RFX3: variants seen among roughly 807,000 people sequenced by gnomAD.
The protein encoded by RFX3 is regulatory factor X3.
In RFX3, 14 loss-of-function variants were observed where a neutral mutation model predicts 98.6. The ratio of observed to expected loss-of-function variants is 0.14; its 90% confidence interval spans 0.09 to 0.22. RFX3 has a LOEUF of 0.22. Ranked by LOEUF, RFX3 falls within the 10% of genes least tolerant of loss-of-function variation. The pLI, the probability that RFX3 is intolerant of heterozygous loss-of-function variation, is 1.00. For synonymous variants in RFX3, 383 were observed against 328.4 expected (o/e 1.17, Z -1.80); for missense variants, 639 against 926.9 (o/e 0.69, Z 4.03).
chr9:3,454,467 A>G (rs1199909943), intron 1 of RFX3, among the ~76,000 whole-genome samples: 1 of 152,198 alleles, frequency 6.6e-6, no homozygotes, highest in East Asian at 1.9e-4. Context: ...CATATATAAG[A>G]GAAAGAGCAT....
intron 1 of RFX3, among the ~76,000 whole-genome samples, chr9:3,475,631 ATATCAGAGAC>A (rs1176698523): frequency 7.2e-5 from 11 of 152,236 alleles, no homozygotes; most frequent in Non-Finnish European, 1.0e-4. Flanking sequence ...TTGTTTCTGC[ATATCAGAGAC>A]TTTTAGTACT....
chr9:3,265,649 T>C (rs1823532498), intron 12 of RFX3, among the ~76,000 whole-genome samples: 1 of 152,212 alleles, frequency 6.6e-6, no homozygotes, highest in Non-Finnish European at 1.5e-5. Flanking sequence ...TTTGTATCTC[T>C]AGCTAAATAA....
intron 1 of RFX3, among the ~76,000 whole-genome samples, chr9:3,525,533 C>G (rs939892371): frequency 2.6e-5 from 4 of 151,886 alleles, no homozygotes; most frequent in Non-Finnish European, 5.9e-5. Context: ...CGCCCACACC[C>G]CCGACCCAGC....
intron 8 of RFX3, among the ~76,000 whole-genome samples, chr9:3,277,067 G>A (rs527429848): frequency 2.3e-4 from 35 of 151,998 alleles, no homozygotes; most frequent in Non-Finnish European, 3.8e-4. Flanking sequence ...CACAAAAGCC[G>A]AATAATACAA....
chr9:3,286,815 T>C (rs751694352), intron 7 of RFX3, among the ~76,000 whole-genome samples: 1 of 151,914 alleles, frequency 6.6e-6, no homozygotes, highest in African/African-American at 2.4e-5. Context: ...TCAATAAATA[T>C]GTCATGGACC....
At position 3,315,937 on chromosome 9, in the gene RFX3, A is replaced by G. The variant is rs183512350; in HGVS notation, c.475-14317T>C. 7.7e-4 allele frequency among the ~76,000 whole-genome samples: 118 copies of G among 152,360 alleles called. 4 individuals are homozygous for G. Among genetic ancestry groups the G allele is most frequent in the Admixed American group, 7.6e-3 (117 of 15,306 alleles). On this transcript the variant is annotated intron_variant, in intron 4 of 16. Transcript: ENST00000617270. ...CCAGACAGAGTCACAGCCGAATTCT[A>G]CTAGAGGTACAAAGAGGAGCTGGTA... is the stretch of plus-strand genomic sequence containing the variant.
At chr9:3,396,740 G>C (rs545643646) in intron 1 of RFX3, among the ~76,000 whole-genome samples, 1 of 152,132 alleles carries the variant, frequency 6.6e-6, no homozygotes, top group Non-Finnish European at 1.5e-5. Context: ...ATTCTAACTG[G>C]TGTGAGATGG....
At chr9:3,280,975 A>T (rs1484026996) in intron 7 of RFX3, among the ~76,000 whole-genome samples, 5 of 151,878 alleles carry the variant, frequency 3.3e-5, no homozygotes, top group African/African-American at 1.2e-4. Context: ...ATGTACAATA[A>T]ATATATTTGA....
At chr9:3,237,164 A>G (rs1327483253) in intron 15 of RFX3, among the ~76,000 whole-genome samples, 1 of 152,198 alleles carries the variant, frequency 6.6e-6, no homozygotes, top group Non-Finnish European at 1.5e-5. Flanking sequence ...AGAACTAATT[A>G]TGTTTATGCT....
chr9:3,284,147 G>T (rs188691028), intron 7 of RFX3, among the ~76,000 whole-genome samples: 31 of 151,816 alleles, frequency 2.0e-4, no homozygotes, highest in Admixed American at 1.1e-3. Flanking sequence ...AATATTTTGA[G>T]AATGGCTACT....
intron 3 of RFX3, among the ~76,000 whole-genome samples, chr9:3,342,354 G>A (rs545371511): frequency 2.1e-4 from 32 of 152,234 alleles, no homozygotes; most frequent in African/African-American, 7.2e-4. Flanking sequence ...GAACTCTTAA[G>A]GGACTAATGT....
At chr9:3,363,156 T>G (rs1003814396) in intron 2 of RFX3, among the ~76,000 whole-genome samples, 4 of 152,230 alleles carry the variant, frequency 2.6e-5, no homozygotes, top group Admixed American at 1.3e-4. Context: ...TAAATAATAC[T>G]GTGGTGACCA....
intron 1 of RFX3, among the ~76,000 whole-genome samples, chr9:3,406,257 C>G (rs981890386): frequency 6.6e-6 from 1 of 151,912 alleles, no homozygotes; most frequent in African/African-American, 2.4e-5. Flanking sequence ...GCCACTGACT[C>G]GGCCAACCCT....
chr9:3,471,040 C>T (rs1342334850), intron 1 of RFX3, among the ~76,000 whole-genome samples: 2 of 152,156 alleles, frequency 1.3e-5, no homozygotes, highest in Non-Finnish European at 2.9e-5. Flanking sequence ...ATGTAATTCT[C>T]ACAAATCTGT....
rs1279456352 is a variant in RFX3 at position 3,245,104 on chromosome 9, C to A, written c.1968+2928G>T. On this transcript the variant is annotated intron_variant, in intron 15 of 16. Coordinates refer to ENST00000617270, the MANE Select transcript of RFX3 (RefSeq NM_001282116.2). The stretch of plus-strand genomic sequence containing the variant: ...TCCAGGTATTACATCTTTGACTATA[C>A]AAATCAAACAGAGAACTGTGCAATT... Among the ~76,000 whole-genome samples, 3 of 152,174 alleles carry A rather than the reference C, an allele frequency of 2.0e-5. No homozygotes were observed. The East Asian group carries it at 5.8e-4, about 29-fold the overall frequency.
chr9:3,391,861 A>C (rs980413015), intron 2 of RFX3, among the ~76,000 whole-genome samples: 1 of 152,166 alleles, frequency 6.6e-6, no homozygotes, highest in East Asian at 1.9e-4. Flanking sequence ...ACTTTAGTAA[A>C]ATGTTTGGAG....
intron 2 of RFX3, among the ~76,000 whole-genome samples, chr9:3,365,712 G>C (rs1165378144): frequency 2.6e-5 from 4 of 151,932 alleles, no homozygotes; most frequent in Non-Finnish European, 5.9e-5. Flanking sequence ...AGACAACAAA[G>C]AAATAATCCA....
intron 9 of RFX3, among the ~76,000 whole-genome samples, chr9:3,271,660 T>C (rs776850385): frequency 3.9e-5 from 6 of 152,144 alleles, no homozygotes; most frequent in Non-Finnish European, 7.3e-5. Flanking sequence ...AAAACATAGA[T>C]TCAATTACCA....
At chr9:3,423,414 G>C (rs1454840720) in intron 1 of RFX3, among the ~76,000 whole-genome samples, 5 of 152,142 alleles carry the variant, frequency 3.3e-5, no homozygotes, top group Non-Finnish European at 7.4e-5. Context: ...ACAAACTGTA[G>C]TATACTCCTA....
Sources: gnomAD v4.1 joint callset for allele counts (sites outside exome capture counted in the v4.1 genomes callset) on GRCh38, gnomAD v4.1.1 for gene constraint, MANE v1.5 for transcripts, NCBI Gene and HGNC (gene_info 2026-07-23, HGNC 2026-07-21) for gene names.